Variants in KLHL5 observed in about 807,000 individuals in gnomAD.
KLHL5 encodes kelch-like protein 5.
Under a neutral mutation model 77.7 loss-of-function variants are expected in KLHL5, and 48 were observed. The ratio of observed to expected loss-of-function variants is 0.62; its 90% CI spans 0.49 to 0.79. The LOEUF (loss-of-function observed/expected upper bound fraction) is 0.79, where lower values mean the gene tolerates loss of function less well. Ranked by LOEUF, KLHL5 falls within the 30% of genes least tolerant of loss-of-function variation. KLHL5 has a pLI of 0.00. For synonymous variants in KLHL5, 260 were observed against 297.0 expected, an observed-to-expected ratio of 0.88 and a Z score of 1.28; for missense variants, 723 against 859.7, an observed-to-expected ratio of 0.84 and a Z score of 1.99.
intron 4 of KLHL5, among the ~76,000 whole-genome samples, chr4:39,085,581 A>G (rs550914741): frequency 1.3e-5 from 2 of 152,308 alleles, no homozygotes; most frequent in African/African-American, 4.8e-5. Context: ...TTAAGACTTA[A>G]AACCTTTCAA....
chr4:39,069,675 T>C (rs1718290839), intron 1 of KLHL5, among the ~76,000 whole-genome samples: 1 of 151,826 alleles, frequency 6.6e-6, no homozygotes, highest in Admixed American at 6.6e-5. Flanking sequence ...GGAAGTGTCC[T>C]TCTGGTATAT....
chr4:39,057,823 A>G (rs1717109097), upstream of KLHL5, among the ~76,000 whole-genome samples: 1 of 152,200 alleles, frequency 6.6e-6, no homozygotes, highest in African/African-American at 2.4e-5. Context: ...AAAAAACTCT[A>G]TGTGAAGAGA....
Position 39,122,714 on chromosome 4 carries a change from G to A in KLHL5, c.*1648G>A, listed in dbSNP as rs1577761302. 6.6e-6 allele frequency among the ~76,000 whole-genome samples: 1 copy of A among 152,114 alleles called. No homozygotes were observed. The highest frequency in any genetic ancestry group is 1.9e-4 in the East Asian group (1 of 5,192). On this transcript the variant is annotated 3_prime_UTR_variant, in exon 11 of 11. Transcript: ENST00000504108. ...TGTACGCCCAGCTACTCGGGAGGCT[G>A]AGGCGGGAGAATGGCGTGAACCCAG...
chr4:39,057,233 T>C (rs1034657780), upstream of KLHL5, among the ~76,000 whole-genome samples: 2 of 152,224 alleles, frequency 1.3e-5, no homozygotes, highest in Admixed American at 1.3e-4. Flanking sequence ...TTAAATACCA[T>C]GCACTGTACA....
intron 1 of KLHL5, among the ~76,000 whole-genome samples, chr4:39,056,253 G>A (rs1361086429): frequency 6.6e-6 from 1 of 152,132 alleles, no homozygotes; most frequent in African/African-American, 2.4e-5. Flanking sequence ...CTCCTGAATA[G>A]CTGGAACTAC....
intron 10 of KLHL5, chr4:39,115,870 T>C: frequency 2.0e-6 from 2 of 994,534 alleles, no homozygotes; most frequent in Non-Finnish European, 2.4e-6. Flanking sequence ...GGTCTAGCAC[T>C]TCTAAAAATG....
chr4:39,074,569 A>G (rs1445601935), intron 1 of KLHL5, among the ~76,000 whole-genome samples: 2 of 152,200 alleles, frequency 1.3e-5, no homozygotes, highest in African/African-American at 4.8e-5. Context: ...AATATAGTCT[A>G]GCTATATTCT....
At chr4:39,130,260 G>A (rs929639513), downstream of KLHL5, among the ~76,000 whole-genome samples, 1 of 152,168 alleles carries the variant, frequency 6.6e-6, no homozygotes, top group African/African-American at 2.4e-5. Flanking sequence ...TCCCTTATGG[G>A]AAACGAAGGG....
intron 5 of KLHL5, 78 bp from the exon 6 acceptor site, chr4:39,096,614 G>A: frequency 1.0e-6 from 1 of 975,166 alleles, no homozygotes; most frequent in Non-Finnish European, 1.5e-6. Context: ...AAATCCATTT[G>A]AGAACTATGT....
upstream of KLHL5, among the ~76,000 whole-genome samples, chr4:39,057,546 A>G (rs1342514580): frequency 6.6e-6 from 1 of 152,228 alleles, no homozygotes; most frequent in Non-Finnish European, 1.5e-5. Context: ...TGGTAGAATT[A>G]TACTAATATT....
At chr4:39,066,543 A>G (rs1717908406) in intron 1 of KLHL5, among the ~76,000 whole-genome samples, 1 of 152,190 alleles carries the variant, frequency 6.6e-6, no homozygotes, top group Non-Finnish European at 1.5e-5. Context: ...GAAAAGCAAC[A>G]TGCATTCAGT....
chr4:39,105,172 G>T (rs1268887793), intron 7 of KLHL5, among the ~76,000 whole-genome samples: 6 of 147,366 alleles, frequency 4.1e-5, no homozygotes, highest in Non-Finnish European at 7.5e-5. Flanking sequence ...TTTGAGACAG[G>T]TTCTTGCTCT....
At chr4:39,049,320 A>G (rs892052944) in intron 1 of KLHL5, among the ~76,000 whole-genome samples, 2 of 152,194 alleles carry the variant, frequency 1.3e-5, no homozygotes, top group African/African-American at 4.8e-5. Flanking sequence ...TTCACAATTA[A>G]GTTTGTTATT....
rs145777465 is a variant in KLHL5 at position 39,103,317 on chromosome 4, G to C, written c.1331G>C (p.Arg444Pro). Residue 444 changes from arginine (R) to proline (P), a missense_variant, in exon 7 of 11, where the codon CGT (arginine) becomes CCT (proline). By Grantham distance (103) the Arg-to-Pro change is moderately radical. Around this residue, in one of 3 missense-constraint regions of KLHL5, gnomAD observed 288 missense variants for 400.3 expected, o/e 0.72. Transcript: ENST00000504108. Reference sequence around the variant, plus strand: ...ACAAGCATTGAAAAGTATGATCTCCGTACAAATATGTGGACTCCAGTAGCA... The same window carrying C: ...ACAAGCATTGAAAAGTATGATCTCCCTACAAATATGTGGACTCCAGTAGCA... ...GATSIEKYDLRTNMWTPVANM... is the reference protein window; with the variant it reads ...GATSIEKYDLPTNMWTPVANM... 1 of 1,613,702 alleles carries C rather than the reference G, an allele frequency of 6.2e-7. No individual in the cohort carries two copies. Among genetic ancestry groups the C allele is most frequent in the Non-Finnish European group, 8.5e-7 (1 of 1,179,872 alleles).
At chr4:39,066,298 T>C (rs539588939) in intron 1 of KLHL5, among the ~76,000 whole-genome samples, 4 of 152,234 alleles carry the variant, frequency 2.6e-5, no homozygotes, top group East Asian at 3.9e-4. Context: ...AAAATCTATA[T>C]GGCGGCCCAC....
chr4:39,090,398 G>C (rs1265580825), intron 5 of KLHL5, among the ~76,000 whole-genome samples: 1 of 151,096 alleles, frequency 6.6e-6, no homozygotes, highest in African/African-American at 2.4e-5. Context: ...AAATAATATA[G>C]GAAATAATGC....
intron 1 of KLHL5, among the ~76,000 whole-genome samples, chr4:39,070,147 C>G (rs993539784): frequency 2.0e-5 from 3 of 152,132 alleles, no homozygotes; most frequent in Non-Finnish European, 4.4e-5. Context: ...CCTGTGCCCA[C>G]GTGAACCAAC....
Position 39,081,081 on chromosome 4 carries a change from T to C in KLHL5, c.567-22T>C. On this transcript the variant is annotated intron_variant, in intron 2 of 10. Coordinates refer to ENST00000504108, the MANE Select transcript of KLHL5 (RefSeq NM_015990.5). The surrounding 1 kb of genome is among the most constrained non-coding windows in gnomAD (Gnocchi z 4.3). ...CAACTCGAATGTGGTCATTGATTTT[T>C]TTTTTCCTAATGTGTTCACAGATTG... The C allele has an allele frequency of 1.3e-6, 2 of 1,575,536 alleles. No homozygotes were observed. Among genetic ancestry groups the C allele is most frequent in the Non-Finnish European group, 1.7e-6 (2 of 1,167,448 alleles).
chr4:39,139,197 G>T, the KLHL5 span, among the ~76,000 whole-genome samples: 2 of 151,168 alleles, frequency 1.3e-5, no homozygotes, highest in South Asian at 4.2e-4. Context: ...CAGGAGAATT[G>T]CTTGAATCCA....
Sources: gnomAD v4.1 joint callset for allele counts (sites outside exome capture counted in the v4.1 genomes callset) on GRCh38, gnomAD v4.1.1 for gene constraint, gnomAD v4.1.1 regional missense constraint, Gnocchi (gnomAD v3.1) non-coding constraint, MANE v1.5 for transcripts, NCBI Gene and HGNC (gene_info 2026-07-23, HGNC 2026-07-21) for gene names.